Variants in ZNF131 observed in about 807,000 individuals in gnomAD.
ZNF131 encodes the protein zinc finger and BTB domain containing 35.
In ZNF131, 7 loss-of-function variants were observed where a neutral mutation model predicts 60.0. The ratio of observed to expected loss-of-function variants is 0.12; its 90% CI spans 0.07 to 0.22. The LOEUF (loss-of-function observed/expected upper bound fraction) is 0.22. ZNF131 is among the 10% of genes least tolerant of loss of function. The probability of loss-of-function intolerance (pLI) is 1.00; values close to 1 mark genes in which losing one functional copy is unlikely to be tolerated. For missense variants in ZNF131, 493 were observed against 740.9 expected, an observed-to-expected ratio of 0.67 and a Z score of 3.88; for synonymous variants, 257 against 253.2, an observed-to-expected ratio of 1.01 and a Z score of -0.14.
intron 4 of ZNF131, among the ~76,000 whole-genome samples, chr5:43,152,970 C>A (rs1203777195): frequency 9.2e-5 from 14 of 152,134 alleles, no homozygotes; most frequent in Admixed American, 6.6e-4. Flanking sequence ...TGTTTCTCTC[C>A]CTAGATGGCA....
chr5:43,173,294 C>T (rs187252440), intron 5 of ZNF131, 24 bp from the exon 6 acceptor site: 58 of 1,505,930 alleles, frequency 3.9e-5, no homozygotes, highest in Admixed American at 5.9e-5. Flanking sequence ...AATTTGCCAA[C>T]GTATCTTTTT....
chr5:43,144,062 A>G (rs1437589234), intron 4 of ZNF131, among the ~76,000 whole-genome samples: 1 of 150,790 alleles, frequency 6.6e-6, no homozygotes, highest in Non-Finnish European at 1.5e-5. Flanking sequence ...AGCTGGGACT[A>G]CAGGCACTCG....
At chr5:43,136,476 C>CTTTTTTTTTTTTTTTT (rs70991484) in intron 3 of ZNF131, among the ~76,000 whole-genome samples, 1 of 70,048 alleles carries the variant, frequency 1.4e-5, no homozygotes, top group Non-Finnish European at 2.7e-5. Flanking sequence ...AGGCATCATA[C>CTTTTTTTTTTTTTTTT]TTTTTTTTTT....
chr5:43,144,225 T>TTTTCTTTC, intron 4 of ZNF131, among the ~76,000 whole-genome samples: 1 of 122,588 alleles, frequency 8.2e-6, no homozygotes, highest in South Asian at 2.6e-4. Context: ...CCTGGCCTTT[T>TTTTCTTTC]TTTCTTTCTT....
rs1375278448 is a variant in ZNF131, at chr5:43,139,152, A to G, written c.227-13A>G. 1 of 1,577,512 alleles carries G rather than the reference A, an allele frequency of 6.3e-7. No homozygotes were observed. Among genetic ancestry groups the G allele is most frequent in the East Asian group, 2.3e-5 (1 of 43,626 alleles). On this transcript the variant is annotated splice_polypyrimidine_tract_variant and intron_variant, in intron 3 of 6. Coordinates refer to ENST00000682664, the MANE Select transcript of ZNF131 (RefSeq NM_001330707.2). ...AATATGATTACATGCTCTAATGTAC[A>G]TCTTCTTTACAGGTGTTAGTAAAAT...
chr5:43,137,294 C>T (rs1468097684), intron 3 of ZNF131, among the ~76,000 whole-genome samples: 1 of 152,016 alleles, frequency 6.6e-6, no homozygotes, highest in African/African-American at 2.4e-5. Flanking sequence ...AAAGTATTTG[C>T]AGAACCAAAT....
chr5:43,131,607 A>G (rs557750448), intron 3 of ZNF131, among the ~76,000 whole-genome samples: 41 of 152,200 alleles, frequency 2.7e-4, no homozygotes, highest in Non-Finnish European at 4.6e-4. Flanking sequence ...ATGAAATTCT[A>G]ATACATTTGA....
Position 43,175,100 on chromosome 5 carries a change from T to C in ZNF131, c.1839T>C (p.Asn613=). The change falls in exon 7 of 7, where the codon AAT becomes AAC. Residue 613 remains asparagine (N), a synonymous_variant. Coordinates refer to ENST00000682664, the MANE Select transcript of ZNF131 (RefSeq NM_001330707.2). ...ATTCTGAAGCAGAAAAGGCAGAGAA[T>C]GAGGACAGAACAGCTCTGCCAGTTT... ...TVDSEAEKAE[N]EDRTALPVLE is the part of the protein sequence containing the mutation. 6.2e-7 allele frequency: 1 copy of C among 1,614,016 alleles called. No individual in the cohort carries two copies. The highest frequency in any genetic ancestry group is 1.1e-5 in the South Asian group (1 of 91,042).
intron 6 of ZNF131, among the ~76,000 whole-genome samples, chr5:43,173,852 TG>T (rs1409804551): frequency 6.6e-6 from 1 of 152,218 alleles, no homozygotes; most frequent in Non-Finnish European, 1.5e-5. Context: ...TTCTATGTTA[TG>T]GGAGAAACTA....
chr5:43,136,044 G>GGT (rs530703170), intron 3 of ZNF131, among the ~76,000 whole-genome samples: 114 of 152,322 alleles, frequency 7.5e-4, no homozygotes, highest in Non-Finnish European at 1.4e-3. Flanking sequence ...GAACCCGGGA[G>GGT]GTGGTGGTTG....
At chr5:43,143,910 T>TG in intron 4 of ZNF131, among the ~76,000 whole-genome samples, 1 of 89,236 alleles carries the variant, frequency 1.1e-5, no homozygotes, top group African/African-American at 4.6e-5. Context: ...TTTTTTTTTT[T>TG]TTTTTTTTTT....
intron 1 of ZNF131, chr5:43,121,663 T>A (rs1743835670): frequency 6.7e-6 from 1 of 150,312 alleles, no homozygotes; most frequent in African/African-American, 2.5e-5. Context: ...CCGGACCGGG[T>A]CCCGGGGCGG....
At chr5:43,168,082 C>A in intron 5 of ZNF131, 1 of 391,236 alleles carries the variant, frequency 2.6e-6, no homozygotes. Flanking sequence ...CTTTTAAAGC[C>A]ACCCATCCCA....
At chr5:43,121,927 C>T (rs1246078209) in intron 1 of ZNF131, 112 bp from the exon 2 acceptor site, 1 of 1,193,440 alleles carries the variant, frequency 8.4e-7, no homozygotes, top group Non-Finnish European at 1.1e-6. Context: ...TTGCTTCACC[C>T]TCCCCCCTTC....
At chr5:43,162,108 C>A (rs1021119233) in intron 5 of ZNF131, among the ~76,000 whole-genome samples, 177 bp downstream of exon 5, 1 of 152,128 alleles carries the variant, frequency 6.6e-6, no homozygotes, top group Non-Finnish European at 1.5e-5. Flanking sequence ...GCTTTAAATG[C>A]AAATCAGTAT....
rs1027827261 is a variant in ZNF131, at chr5:43,136,001, G to C, written c.227-3164G>C. Among the ~76,000 whole-genome samples, 8 of 152,210 alleles carry C rather than the reference G, an allele frequency of 5.3e-5. No homozygotes were observed. In the East Asian group the frequency reaches 7.7e-4, roughly 15 times the overall value. On this transcript the variant is annotated intron_variant, in intron 3 of 6. Coordinates refer to ENST00000682664, the MANE Select transcript of ZNF131 (RefSeq NM_001330707.2). ...ATGGTGGTGCGTGCCTGTAGTCCCA[G>C]CTACTTGGGAGGCTGAGGAAGGAGA... is the stretch of plus-strand genomic sequence containing the variant.
intron 4 of ZNF131, among the ~76,000 whole-genome samples, chr5:43,160,835 C>T (rs905441158): frequency 6.6e-6 from 1 of 152,132 alleles, no homozygotes; most frequent in African/African-American, 2.4e-5. Flanking sequence ...AGGCATGCCA[C>T]CATGCCCAGC....
intron 4 of ZNF131, among the ~76,000 whole-genome samples, chr5:43,154,854 G>A (rs1748767285): frequency 6.6e-6 from 1 of 152,134 alleles, no homozygotes; most frequent in Non-Finnish European, 1.5e-5. Flanking sequence ...GGCCCCAGAG[G>A]CGTGGATGTC....
chr5:43,169,147 T>C (rs1750685281), intron 5 of ZNF131, among the ~76,000 whole-genome samples: 2 of 152,236 alleles, frequency 1.3e-5, no homozygotes, highest in African/African-American at 4.8e-5. Context: ...CAGTTCAGCA[T>C]TTGCCAGCAT....
Sources: allele counts gnomAD v4.1 joint callset (sites outside exome capture counted in the v4.1 genomes callset), GRCh38; gene constraint gnomAD v4.1.1; transcripts MANE v1.5; gene names NCBI Gene and HGNC (gene_info 2026-07-23, HGNC 2026-07-21).